The following SCAND3 variants were observed in gnomAD, a reference collection of about 807,000 sequenced individuals.
SCAND3 encodes the protein SCAN domain-containing protein 3.
chr6:28,602,130 T>C, the SCAND3 span, among the ~76,000 whole-genome samples: 1 of 152,224 alleles, frequency 6.6e-6, no homozygotes, highest in Admixed American at 6.5e-5. Flanking sequence ...TTTTTTAATT[T>C]ATTTTATTTT....
the SCAND3 span, among the ~76,000 whole-genome samples, chr6:28,583,527 G>A: frequency 6.6e-6 from 1 of 152,150 alleles, no homozygotes; most frequent in East Asian, 1.9e-4. Flanking sequence ...ACATGATGTG[G>A]GTTCCCGTTT....
chr6:28,574,509 A>T, the SCAND3 span: 2 of 746,488 alleles, frequency 2.7e-6, no homozygotes. Context: ...AAAAGTAATT[A>T]GGCCTTCTTT....
chr6:28,605,819 T>C, the SCAND3 span, among the ~76,000 whole-genome samples: 5 of 152,020 alleles, frequency 3.3e-5, no homozygotes, highest in African/African-American at 1.2e-4. Context: ...GCACTCCAGC[T>C]GGGCAACAGG....
the SCAND3 span, chr6:28,571,686 TACG>T: frequency 4.7e-6 from 2 of 425,146 alleles, no homozygotes; most frequent in Admixed American, 4.3e-5. Flanking sequence ...TTTTAATAAA[TACG>T]ACAAATATGA....
chr6:28,601,100 T>C, the SCAND3 span, among the ~76,000 whole-genome samples: 1 of 151,918 alleles, frequency 6.6e-6, no homozygotes, highest in Non-Finnish European at 1.5e-5. Context: ...AGACATGGGG[T>C]TTCACCGTGT....
chr6:28,571,611 A>C, the SCAND3 span: 1 of 288,328 alleles, frequency 3.5e-6, no homozygotes. Context: ...AATGAAATAC[A>C]AGAAGAAGAC....
chr6:28,615,331 T>G, the SCAND3 span, among the ~76,000 whole-genome samples: 1 of 152,140 alleles, frequency 6.6e-6, no homozygotes, highest in Non-Finnish European at 1.5e-5. Flanking sequence ...AGACTAGACA[T>G]TTCCGGGAGC....
the SCAND3 span, among the ~76,000 whole-genome samples, chr6:28,599,777 T>C: frequency 2.6e-5 from 4 of 152,118 alleles, no homozygotes; most frequent in Non-Finnish European, 5.9e-5. Context: ...ACTAATACAG[T>C]TGTCAAAATA....
At chr6:28,599,185 T>C in the SCAND3 span, among the ~76,000 whole-genome samples, 28 of 152,222 alleles carry the variant, frequency 1.8e-4, no homozygotes, top group African/African-American at 6.0e-4. Context: ...TGGAGAGATA[T>C]TCCATGTTCA....
the SCAND3 span, chr6:28,575,753 T>C: frequency 6.2e-7 from 1 of 1,614,166 alleles, no homozygotes; most frequent in Non-Finnish European, 8.5e-7. The surrounding 1 kb of genome is among the most constrained non-coding windows in gnomAD (Gnocchi z 4.2). Context: ...CCATGTCCAA[T>C]GCTGAGATGT....
chr6:28,580,710 A>G, the SCAND3 span, among the ~76,000 whole-genome samples: 5 of 152,214 alleles, frequency 3.3e-5, no homozygotes, highest in Admixed American at 3.3e-4. Flanking sequence ...TAATGTTAGT[A>G]TACACAATCC....
At chr6:28,607,207 G>A in the SCAND3 span, among the ~76,000 whole-genome samples, 3 of 152,166 alleles carry the variant, frequency 2.0e-5, no homozygotes, top group Non-Finnish European at 4.4e-5. Context: ...GAGGTCCCGG[G>A]TTCAATCCCC....
At chr6:28,601,726 A>G in the SCAND3 span, among the ~76,000 whole-genome samples, 1 of 152,248 alleles carries the variant, frequency 6.6e-6, no homozygotes, top group African/African-American at 2.4e-5. Flanking sequence ...GGGTTTTGCC[A>G]TGTTGGTCAG....
chr6:28,576,112 A>G, the SCAND3 span: 2 of 1,577,842 alleles, frequency 1.3e-6, no homozygotes, highest in Non-Finnish European at 1.7e-6. Flanking sequence ...GCTTTGAGAC[A>G]TCATGGAAAA....
chr6:28,608,836 TA>T, the SCAND3 span, among the ~76,000 whole-genome samples: 1 of 151,668 alleles, frequency 6.6e-6, no homozygotes, highest in African/African-American at 2.4e-5. Flanking sequence ...ATGTCTCTTT[TA>T]AATTAGCAGG....
the SCAND3 span, among the ~76,000 whole-genome samples, chr6:28,595,353 A>AAAAGAAG: frequency 6.9e-6 from 1 of 144,756 alleles, no homozygotes; most frequent in East Asian, 2.0e-4. Context: ...AAAAAAAAAA[A>AAAAGAAG]AAGAAGAAGA....
the SCAND3 span, among the ~76,000 whole-genome samples, chr6:28,608,979 G>A: frequency 6.6e-6 from 1 of 151,924 alleles, no homozygotes; most frequent in Non-Finnish European, 1.5e-5. Flanking sequence ...GGAAAACAGA[G>A]CGAAACACTG....
chr6:28,611,230 A>G, the SCAND3 span, among the ~76,000 whole-genome samples: 1 of 152,172 alleles, frequency 6.6e-6, no homozygotes, highest in Non-Finnish European at 1.5e-5. Context: ...TCACAATTCC[A>G]TGTCCAAGAT....
At chr6:28,577,058 G>C in the SCAND3 span, among the ~76,000 whole-genome samples, 1 of 151,914 alleles carries the variant, frequency 6.6e-6, no homozygotes, top group Non-Finnish European at 1.5e-5. Flanking sequence ...ATTCATATCA[G>C]CTCCCTTTTA....
Sources: allele counts gnomAD v4.1 joint callset (sites outside exome capture counted in the v4.1 genomes callset), GRCh38; gene constraint gnomAD v4.1.1; non-coding constraint Gnocchi (gnomAD v3.1); transcripts MANE v1.5; gene names NCBI Gene and HGNC (gene_info 2026-07-23, HGNC 2026-07-21).